Variants in ZNF469 observed in about 807,000 individuals in gnomAD.
The protein encoded by ZNF469 is zinc finger protein 469.
Under a neutral mutation model 1.0 loss-of-function variants are expected in ZNF469, and 1 was observed. The ratio of observed to expected loss-of-function variants is 1.00; its 90% confidence interval spans 0.35 to 4.73. The LOEUF is 4.73. Among genes scored for constraint, ZNF469 ranks in the 30% most tolerant of loss-of-function variants. The pLI is 0.16. For missense variants in ZNF469, 6,100 were observed against 5,356.3 expected, an observed-to-expected ratio of 1.14 and a Z score of -4.33; for synonymous variants, 2,703 against 2,363.4, an observed-to-expected ratio of 1.14 and a Z score of -4.17.
In ZNF469 at chr16:88,436,474, A is replaced by C. The variant is rs141776185; in HGVS notation, c.9004A>C (p.Met3002Leu). The change falls in exon 3 of 3, where the codon ATG (methionine) becomes CTG (leucine). Residue 3002 changes from methionine to leucine, a missense_variant. Physicochemically the swap from Met to Leu is conservative, Grantham distance 15. Transcript: ENST00000565624. ...CCCAGCGGCTTGGCGAGGCCTGGAG[A>C]TGCCGGCCCCTGCCGATGACTCCTC... ...MVPAAWRGLEMPAPADDSSSS... is the reference protein window; with the variant it reads ...MVPAAWRGLELPAPADDSSSS... 1.7e-3 allele frequency: 2,604 copies of C among 1,546,878 alleles called. 38 individuals carry two copies. In the African/African-American group the frequency reaches 0.031, roughly 19 times the overall value.
At chr16:88,376,423 G>A in the ZNF469 span, among the ~76,000 whole-genome samples, 9 of 152,220 alleles carry the variant, frequency 5.9e-5, no homozygotes, top group Admixed American at 1.3e-4. Context: ...ACTGAAGGCC[G>A]CTGTCCCTCT....
chr16:88,422,132 AGTG>A lies in ZNF469; in HGVS notation c.-191-2674_-191-2672del, dbSNP rs1256336151. 4.0e-4 allele frequency among the ~76,000 whole-genome samples: 56 copies of A among 140,028 alleles called. 1 individual carries two copies. The highest frequency in any genetic ancestry group is 7.8e-4 in the Admixed American group (11 of 14,168). 91.9% of individuals were successfully genotyped at this position (140,028 alleles called of 152,430 possible). On this transcript the variant is annotated intron_variant, in intron 1 of 2. Transcript: ENST00000565624. ...GGATGAGTGGGTGGATAGATGGGTG[AGTG>A]ATGGGTGAACGGGTGGGTGGATGGG...
In ZNF469 at chr16:88,431,203, T is replaced by C. The variant is rs1348013961; in HGVS notation, c.3733T>C (p.Leu1245=). Residue 1245 remains leucine (L), a synonymous_variant, in exon 3 of 3, where the codon TTG becomes CTG. Coordinates refer to ENST00000565624, the MANE Select transcript of ZNF469 (RefSeq NM_001367624.2). The part of the protein sequence containing the change: ...APDSTEFTEA[L]RSPPAACAGE... The stretch of plus-strand genomic sequence containing the variant: ...GGACAGCACAGAATTCACAGAGGCT[T>C]TGCGTTCTCCTCCAGCCGCCTGTGC... 2 of 1,550,140 alleles carry C rather than the reference T, an allele frequency of 1.3e-6. No individual in the cohort carries two copies. The highest frequency in any genetic ancestry group is 1.7e-6 in the Non-Finnish European group (2 of 1,146,972).
Position 88,437,497 on chromosome 16 carries a change from G to T in ZNF469, c.10027G>T (p.Gly3343Trp). The T allele has an allele frequency of 6.5e-7, 1 of 1,540,386 alleles. No homozygotes were observed. The highest frequency in any genetic ancestry group is 1.2e-5 in the South Asian group (1 of 83,658). Reference sequence around the variant, plus strand: ...CCCCTCCCGCGACTGCCACCACTGCGGGAAGCGCTTCCCCAAGCCCTTCAA... The same window carrying T: ...CCCCTCCCGCGACTGCCACCACTGCTGGAAGCGCTTCCCCAAGCCCTTCAA... ...KDPSRDCHHC[G>W]KRFPKPFKLQ... The change falls in exon 3 of 3, where the codon GGG (glycine) becomes TGG (tryptophan). Residue 3343 changes from glycine to tryptophan, a missense_variant. By Grantham distance (184) the Gly-to-Trp change is radical. Transcript: ENST00000565624.
chr16:88,170,528 G>A, the ZNF469 span, among the ~76,000 whole-genome samples: 1 of 152,140 alleles, frequency 6.6e-6, no homozygotes, highest in Non-Finnish European at 1.5e-5. The surrounding 1 kb of genome is among the most constrained non-coding windows in gnomAD (Gnocchi z 4.2). Context: ...AAGTGAGATC[G>A]TGCAGTGTTT....
the ZNF469 span, among the ~76,000 whole-genome samples, chr16:88,270,269 C>T: frequency 2.0e-5 from 3 of 152,300 alleles, no homozygotes; most frequent in South Asian, 2.1e-4. Flanking sequence ...GCCTCCCAGC[C>T]CTGCCACCCA....
chr16:88,370,646 G>A, the ZNF469 span, among the ~76,000 whole-genome samples: 1 of 152,200 alleles, frequency 6.6e-6, no homozygotes, highest in Admixed American at 6.5e-5. Flanking sequence ...TGAAGCGTGT[G>A]AGTCTCCTGG....
chr16:88,170,921 G>A, the ZNF469 span, among the ~76,000 whole-genome samples: 2 of 152,132 alleles, frequency 1.3e-5, no homozygotes, highest in Admixed American at 6.5e-5. The surrounding 1 kb of genome is among the most constrained non-coding windows in gnomAD (Gnocchi z 4.2). Flanking sequence ...CAGGGGTAGC[G>A]GGGGACAGCA....
the ZNF469 span, among the ~76,000 whole-genome samples, chr16:88,113,885 G>A: frequency 6.6e-6 from 1 of 152,236 alleles, no homozygotes; most frequent in Non-Finnish European, 1.5e-5. Context: ...GCTCCCAGGT[G>A]TGAGGAAAGT....
the ZNF469 span, among the ~76,000 whole-genome samples, chr16:88,259,404 G>A: frequency 1.4e-4 from 22 of 152,178 alleles, no homozygotes; most frequent in African/African-American, 5.1e-4. This position sits in a 1 kb window ranked among gnomAD's most constrained non-coding sequence, Gnocchi z 4.1. Context: ...GTTTCCAGCC[G>A]GGCTGCTCAG....
At chr16:88,280,702 T>G in the ZNF469 span, among the ~76,000 whole-genome samples, 1 of 151,792 alleles carries the variant, frequency 6.6e-6, no homozygotes, top group Admixed American at 6.6e-5. Flanking sequence ...GTTAGTGCTG[T>G]GCCACACCGA....
chr16:88,223,562 C>A, the ZNF469 span, among the ~76,000 whole-genome samples: 4 of 152,144 alleles, frequency 2.6e-5, no homozygotes, highest in African/African-American at 9.7e-5. Context: ...TGGACAGACA[C>A]CCCAGCACAA....
chr16:88,380,394 CG>C (rs2092518370), upstream of ZNF469, among the ~76,000 whole-genome samples: 1 of 108,902 alleles, frequency 9.2e-6, no homozygotes, highest in Non-Finnish European at 1.7e-5. Context: ...CTCACAGACA[CG>C]CCCTCACACA....
intron 1 of ZNF469, among the ~76,000 whole-genome samples, chr16:88,417,586 C>T (rs1004505639): frequency 7.2e-5 from 11 of 152,352 alleles, no homozygotes; most frequent in African/African-American, 2.6e-4. Context: ...AAACGTTTCT[C>T]GCTCCCCGCA....
the ZNF469 span, among the ~76,000 whole-genome samples, chr16:88,198,156 C>T: frequency 1.3e-5 from 2 of 152,250 alleles, no homozygotes; most frequent in African/African-American, 4.8e-5. Flanking sequence ...AGAGCCCTTT[C>T]CTGCCATCAT....
Position 88,430,849 on chromosome 16 carries a change from A to G in ZNF469, c.3379A>G (p.Thr1127Ala). The change falls in exon 3 of 3, where the codon ACC (threonine) becomes GCC (alanine). Residue 1127 changes from threonine (T) to alanine (A), a missense_variant. Coordinates refer to ENST00000565624, the MANE Select transcript of ZNF469 (RefSeq NM_001367624.2). Reference protein sequence around the residue: ...RGEKRKEVELTQGPREDEPQK... With the variant: ...RGEKRKEVELAQGPREDEPQK... ...CGAGAAGAGGAAGGAAGTGGAGCTG[A>G]CCCAGGGTCCCAGAGAGGATGAGCC... The G allele has an allele frequency of 6.5e-7, 1 of 1,536,258 alleles. No individual in the cohort carries two copies. The highest frequency in any genetic ancestry group is 1.2e-5 in the South Asian group (1 of 84,020).
chr16:88,265,688 C>G, the ZNF469 span, among the ~76,000 whole-genome samples: 3 of 152,212 alleles, frequency 2.0e-5, no homozygotes, highest in African/African-American at 4.8e-5. Context: ...GAAACCCGCC[C>G]GTCCTGGGTC....
the ZNF469 span, among the ~76,000 whole-genome samples, chr16:88,143,332 C>A: frequency 6.6e-6 from 1 of 152,252 alleles, no homozygotes; most frequent in Non-Finnish European, 1.5e-5. Context: ...CCGTCTCCAG[C>A]CTTAAGGAGG....
chr16:88,115,753 C>G, the ZNF469 span, among the ~76,000 whole-genome samples: 1 of 151,898 alleles, frequency 6.6e-6, no homozygotes, highest in Non-Finnish European at 1.5e-5. Flanking sequence ...CTGGGTCCTT[C>G]CAGCCATACT....
Sources: gnomAD v4.1 joint callset for allele counts (sites outside exome capture counted in the v4.1 genomes callset) on GRCh38, gnomAD v4.1.1 for gene constraint, Gnocchi (gnomAD v3.1) non-coding constraint, MANE v1.5 for transcripts, NCBI Gene and HGNC (gene_info 2026-07-23, HGNC 2026-07-21) for gene names.